LRP1B: variants seen among roughly 807,000 people sequenced by gnomAD.
LRP1B encodes low-density lipoprotein receptor-related protein 1B.
In LRP1B, 217 loss-of-function variants were observed where a neutral mutation model predicts 556.6. That is an observed-to-expected ratio of 0.39 (90% CI 0.35 to 0.44). The LOEUF is 0.44. Among genes scored for constraint, LRP1B ranks in the 20% least tolerant of loss-of-function variants. The pLI, the probability that LRP1B is intolerant of heterozygous loss-of-function variation, is 1.00. For missense variants in LRP1B, 5,053 were observed against 5,620.8 expected (o/e 0.90, Z 3.23); for synonymous variants, 2,047 against 1,865.8 (o/e 1.10, Z -2.50).
intron 7 of LRP1B, among the ~76,000 whole-genome samples, chr2:141,139,278 C>A (rs573166085): frequency 6.6e-6 from 1 of 151,656 alleles, no homozygotes; most frequent in Admixed American, 6.6e-5. Context: ...AAACATAAAA[C>A]AAAATCTTTA....
At chr2:140,302,215 TTAAA>T (rs1683861518) in intron 83 of LRP1B, among the ~76,000 whole-genome samples, 1 of 152,166 alleles carries the variant, frequency 6.6e-6, no homozygotes, top group Admixed American at 6.6e-5. Flanking sequence ...ATTTTATGGC[TTAAA>T]TATTTATCTT....
intron 3 of LRP1B, among the ~76,000 whole-genome samples, chr2:141,295,289 A>T (rs572979756): frequency 6.6e-6 from 1 of 152,246 alleles, no homozygotes; most frequent in East Asian, 1.9e-4. Flanking sequence ...GATTTTGATC[A>T]ATTCTAAAAA....
chr2:141,211,163 T>C (rs187709230), intron 6 of LRP1B, among the ~76,000 whole-genome samples: 4 of 151,982 alleles, frequency 2.6e-5, no homozygotes, highest in African/African-American at 4.8e-5. Flanking sequence ...AATTTTGGTA[T>C]TTTTAGTAGA....
At chr2:141,717,436 C>T (rs1692647012) in intron 2 of LRP1B, among the ~76,000 whole-genome samples, 2 of 152,182 alleles carry the variant, frequency 1.3e-5, no homozygotes, top group South Asian at 4.1e-4. Context: ...TGGCAGAACT[C>T]CAGTGTTTTC....
chr2:141,614,965 G>A (rs1466239057), intron 2 of LRP1B, among the ~76,000 whole-genome samples: 1 of 152,186 alleles, frequency 6.6e-6, no homozygotes, highest in Non-Finnish European at 1.5e-5. Flanking sequence ...ATTGGGTAAT[G>A]GGTAGAGGCT....
At chr2:140,296,340 C>A (rs183750617) in intron 84 of LRP1B, among the ~76,000 whole-genome samples, 1 of 152,000 alleles carries the variant, frequency 6.6e-6, no homozygotes, top group African/African-American at 2.4e-5. Context: ...TTCTAAAATT[C>A]GAAAAAATCT....
intron 1 of LRP1B, among the ~76,000 whole-genome samples, chr2:141,997,943 A>G (rs1427782177): frequency 1.3e-5 from 2 of 152,100 alleles, no homozygotes; most frequent in Non-Finnish European, 2.9e-5. Flanking sequence ...CAGATCTTCA[A>G]CTGCTTGCTT....
chr2:140,974,370 T>C (rs1696525662), intron 18 of LRP1B, among the ~76,000 whole-genome samples: 1 of 152,196 alleles, frequency 6.6e-6, no homozygotes, highest in African/African-American at 2.4e-5. Context: ...CAACAGTCTC[T>C]AATTCTGTGA....
chr2:140,987,544 C>G (rs1696962303), intron 17 of LRP1B, among the ~76,000 whole-genome samples: 1 of 152,008 alleles, frequency 6.6e-6, no homozygotes, highest in African/African-American at 2.4e-5. Flanking sequence ...ATGTAGAAAC[C>G]AGCAGATTTT....
intron 68 of LRP1B, among the ~76,000 whole-genome samples, chr2:140,375,165 C>T (rs1378128233): frequency 1.5e-5 from 2 of 134,714 alleles, no homozygotes; most frequent in Non-Finnish European, 1.6e-5. Context: ...GATTTTTATA[C>T]TGTGTGTATG....
intron 3 of LRP1B, among the ~76,000 whole-genome samples, chr2:141,331,785 C>T (rs2105495408): frequency 6.6e-6 from 1 of 152,082 alleles, no homozygotes; most frequent in African/African-American, 2.4e-5. Flanking sequence ...TAAATCTGAG[C>T]AAATTGTCTG....
chr2:141,446,136 C>T (rs1293620264), intron 3 of LRP1B, among the ~76,000 whole-genome samples: 1 of 152,112 alleles, frequency 6.6e-6, no homozygotes, highest in East Asian at 1.9e-4. Context: ...GGATAGTTAG[C>T]TCTTCTTGTT....
chr2:140,817,818 G>A (rs917976269), intron 31 of LRP1B, among the ~76,000 whole-genome samples: 5 of 151,110 alleles, frequency 3.3e-5, no homozygotes, highest in Admixed American at 6.6e-5. Context: ...AAAAAATTAA[G>A]AATTAAGGCT....
chr2:140,253,760 C>CTG (rs2104912080), intron 86 of LRP1B, among the ~76,000 whole-genome samples: 1 of 152,076 alleles, frequency 6.6e-6, no homozygotes, highest in Admixed American at 6.6e-5. Context: ...CATGCATCAA[C>CTG]TGAAAAGGAA....
chr2:141,943,855 C>A (rs372619446), intron 1 of LRP1B, among the ~76,000 whole-genome samples: 4 of 151,980 alleles, frequency 2.6e-5, no homozygotes, highest in East Asian at 3.9e-4. Flanking sequence ...AGATTAGGCT[C>A]GCAGACACTT....
chr2:141,178,750 T>C (rs1212479176), intron 7 of LRP1B, among the ~76,000 whole-genome samples: 2 of 152,064 alleles, frequency 1.3e-5, no homozygotes, highest in Non-Finnish European at 2.9e-5. Flanking sequence ...TGTCAATATA[T>C]CTTCAGTATT....
intron 7 of LRP1B, among the ~76,000 whole-genome samples, chr2:141,121,610 A>T (rs1329784781): frequency 6.6e-6 from 1 of 152,126 alleles, no homozygotes; most frequent in African/African-American, 2.4e-5. Flanking sequence ...GGATACAAAC[A>T]AATGGAAGAA....
intron 2 of LRP1B, among the ~76,000 whole-genome samples, chr2:141,769,121 C>T (rs969262193): frequency 6.6e-6 from 1 of 152,048 alleles, no homozygotes; most frequent in Non-Finnish European, 1.5e-5. Context: ...ACCCAGAGCA[C>T]CTTATTCTAG....
intron 66 of LRP1B, among the ~76,000 whole-genome samples, chr2:140,394,890 TTAAGAA>T (rs1259725554): frequency 1.9e-4 from 29 of 152,268 alleles, no homozygotes; most frequent in African/African-American, 5.3e-4. Flanking sequence ...AGGGGCCATT[TTAAGAA>T]CTGGTGTCTC....
Sources: gnomAD v4.1 joint callset for allele counts (sites outside exome capture counted in the v4.1 genomes callset) on GRCh38, gnomAD v4.1.1 for gene constraint, MANE v1.5 for transcripts, NCBI Gene and HGNC (gene_info 2026-07-23, HGNC 2026-07-21) for gene names.